Variants in SAMD4A observed in about 807,000 individuals in gnomAD.
SAMD4A encodes the protein sterile alpha motif domain containing 4A.
Under a neutral mutation model 81.3 loss-of-function variants are expected in SAMD4A, and 33 were observed. That is an observed-to-expected ratio of 0.41 (90% CI 0.31 to 0.54). The LOEUF is 0.54. Among genes scored for constraint, SAMD4A ranks in the 20% least tolerant of loss-of-function variants. SAMD4A has a pLI of 0.37. For synonymous variants in SAMD4A, 389 were observed against 382.1 expected (o/e 1.02, Z -0.21); for missense variants, 854 against 951.1 (o/e 0.90, Z 1.34).
intron 3 of SAMD4A, among the ~76,000 whole-genome samples, chr14:54,706,645 GA>G (rs371073691): frequency 0.033 from 5,035 of 151,524 alleles, 119 homozygotes; most frequent in Middle Eastern, 0.099. Flanking sequence ...AACCAGGAAA[GA>G]AAAAGCAAGC....
At chr14:54,628,914 GT>G (rs916602149) in intron 2 of SAMD4A, among the ~76,000 whole-genome samples, 7 of 151,468 alleles carry the variant, frequency 4.6e-5, no homozygotes, top group South Asian at 2.1e-4. Context: ...TGTAGTTTTG[GT>G]TTTTTTTTAA....
At chr14:54,612,449 C>G (rs1022814734) in intron 2 of SAMD4A, among the ~76,000 whole-genome samples, 2 of 152,058 alleles carry the variant, frequency 1.3e-5, no homozygotes, top group African/African-American at 4.8e-5. Context: ...AAAATCTCAT[C>G]TTTTTTTGAA....
intron 2 of SAMD4A, among the ~76,000 whole-genome samples, chr14:54,676,123 G>A (rs999364414): frequency 5.3e-5 from 8 of 152,150 alleles, no homozygotes; most frequent in African/African-American, 1.7e-4. Context: ...GTATGATCCT[G>A]TACAAAGGAG....
intron 2 of SAMD4A, among the ~76,000 whole-genome samples, chr14:54,671,955 G>C (rs2035890301): frequency 1.3e-5 from 2 of 151,838 alleles, no homozygotes; most frequent in Admixed American, 1.3e-4. Context: ...GGGAGATTGG[G>C]AGATGGGGAG....
rs186625580 is a variant in SAMD4A, at chr14:54,682,688, A to G, written c.197-19374A>G. ...TTCGCTCTGGATCTGCACTCTGACT[A>G]TGGCTGTGTCCTCAAAACAGTAAAA... On this transcript the variant is annotated intron_variant, in intron 2 of 12. Coordinates refer to ENST00000554335, the MANE Select transcript of SAMD4A (RefSeq NM_015589.6). Among the ~76,000 whole-genome samples the G allele has an allele frequency of 2.0e-5, 3 of 152,304 alleles. No individual in the cohort carries two copies. The East Asian group carries it at 5.8e-4, about 29-fold the overall frequency.
Position 54,791,645 on chromosome 14 carries a change from T to C in SAMD4A, c.*2701T>C, listed in dbSNP as rs1319949702. On this transcript the variant is annotated 3_prime_UTR_variant, in exon 13 of 13. Transcript: ENST00000554335. ...ATTTATCTACTTAGTTGTGTTTTGC[T>C]ATTAGTGTTTTAATTTTTTTTTTAA... The C allele has an allele frequency of 6.6e-6, 1 of 152,180 alleles. No homozygotes were observed. The highest frequency in any genetic ancestry group is 1.5e-5 in the Non-Finnish European group (1 of 68,030). 9.4% of individuals were successfully genotyped at this position (152,180 alleles called of 1,614,324 possible).
chr14:54,770,583 T>TAGAA lies in SAMD4A; in HGVS notation c.1715+361_1715+362insAGAA, dbSNP rs1566630663. On this transcript the variant is annotated intron_variant, in intron 9 of 12. Coordinates refer to ENST00000554335, the MANE Select transcript of SAMD4A (RefSeq NM_015589.6). ...GAAAGGATAAAAATGGGTTGTTCTA[T>TAGAA]CAATCAGCACCTTAAGTGGTAGTGT... Among the ~76,000 whole-genome samples, 86 of 152,288 alleles carry TAGAA rather than the reference T, an allele frequency of 5.6e-4. 1 individual carries two copies. Among genetic ancestry groups the TAGAA allele is most frequent in the African/African-American group, 2.0e-3 (85 of 41,528 alleles).
At chr14:54,658,826 T>A (rs1179589470) in intron 2 of SAMD4A, among the ~76,000 whole-genome samples, 2 of 152,230 alleles carry the variant, frequency 1.3e-5, no homozygotes, top group African/African-American at 4.8e-5. Flanking sequence ...TTGCATAGCC[T>A]CGTATTACTA....
chr14:54,598,917 T>G (rs1159330371), intron 2 of SAMD4A, among the ~76,000 whole-genome samples: 1 of 151,842 alleles, frequency 6.6e-6, no homozygotes, highest in African/African-American at 2.4e-5. Context: ...GTCTACCAGG[T>G]TCAAGTGATC....
At chr14:54,602,529 G>C (rs1410541872) in intron 2 of SAMD4A, among the ~76,000 whole-genome samples, 1 of 152,062 alleles carries the variant, frequency 6.6e-6, no homozygotes, top group Non-Finnish European at 1.5e-5. Context: ...TGTTCTTGTG[G>C]GAATGACATG....
intron 2 of SAMD4A, among the ~76,000 whole-genome samples, chr14:54,680,052 C>T (rs2036093348): frequency 6.6e-6 from 1 of 152,234 alleles, no homozygotes; most frequent in Non-Finnish European, 1.5e-5. Flanking sequence ...ACTCCCTTAT[C>T]TTCAGATCAT....
At chr14:54,770,824 A>G (rs188492156) in intron 9 of SAMD4A, among the ~76,000 whole-genome samples, 2 of 152,350 alleles carry the variant, frequency 1.3e-5, no homozygotes, top group Non-Finnish European at 2.9e-5. Flanking sequence ...GAGGAATCCA[A>G]TTACATATTA....
intron 3 of SAMD4A, among the ~76,000 whole-genome samples, chr14:54,728,024 T>C (rs2037469687): frequency 6.6e-6 from 1 of 152,108 alleles, no homozygotes. Context: ...TCATATCCAA[T>C]AAGAAATGAA....
intron 2 of SAMD4A, among the ~76,000 whole-genome samples, chr14:54,580,998 A>G (rs1467955864): frequency 1.3e-5 from 2 of 152,268 alleles, no homozygotes; most frequent in African/African-American, 2.4e-5. Context: ...ACCAAGATAC[A>G]TGTGATAAAG....
At chr14:54,690,016 T>C (rs1190155384) in intron 2 of SAMD4A, 1 of 152,246 alleles carries the variant, frequency 6.6e-6, no homozygotes, top group African/African-American at 2.4e-5. Context: ...TGCCATGTCA[T>C]CAGCCATAAT....
At chr14:54,648,687 G>A (rs998091126) in intron 2 of SAMD4A, among the ~76,000 whole-genome samples, 1 of 152,182 alleles carries the variant, frequency 6.6e-6, no homozygotes, top group African/African-American at 2.4e-5. Context: ...AGGTAACCTT[G>A]TAGGCTCTGG....
At chr14:54,677,496 G>A (rs1017014104) in intron 2 of SAMD4A, among the ~76,000 whole-genome samples, 3 of 152,214 alleles carry the variant, frequency 2.0e-5, no homozygotes, top group African/African-American at 4.8e-5. Context: ...GAGAAAATCA[G>A]TGCACTGCCC....
At chr14:54,630,336 C>A (rs1286498939) in intron 2 of SAMD4A, among the ~76,000 whole-genome samples, 2 of 152,152 alleles carry the variant, frequency 1.3e-5, no homozygotes, top group Non-Finnish European at 2.9e-5. Context: ...CCTTGCCAAC[C>A]CTTGTTATTT....
chr14:54,614,568 C>A (rs369463755), intron 2 of SAMD4A, among the ~76,000 whole-genome samples: 2 of 152,152 alleles, frequency 1.3e-5, no homozygotes, highest in Non-Finnish European at 2.9e-5. Context: ...TTCTTCTGTG[C>A]CAGTGGTCGG....
Sources: allele counts gnomAD v4.1 joint callset (sites outside exome capture counted in the v4.1 genomes callset), GRCh38; gene constraint gnomAD v4.1.1; transcripts MANE v1.5; gene names NCBI Gene and HGNC (gene_info 2026-07-23, HGNC 2026-07-21).